The following ARHGAP17 variants were observed in gnomAD, a reference collection of about 807,000 sequenced individuals.
ARHGAP17 encodes Rho GTPase activating protein 17, also known as rho GTPase-activating protein 17.
A neutral mutation model predicts 99.5 loss-of-function variants in ARHGAP17; 57 were observed. The ratio of observed to expected loss-of-function variants is 0.57; its 90% CI spans 0.46 to 0.71. ARHGAP17 has a LOEUF of 0.71. ARHGAP17 is among the 30% of genes least tolerant of loss of function. The pLI is 0.00. For missense variants in ARHGAP17, 1,000 were observed against 1,122.4 expected, an observed-to-expected ratio of 0.89 and a Z score of 1.56; for synonymous variants, 417 against 429.6, an observed-to-expected ratio of 0.97 and a Z score of 0.36.
chr16:24,950,979 G>A (rs2051624635), intron 12 of ARHGAP17, among the ~76,000 whole-genome samples: 1 of 152,182 alleles, frequency 6.6e-6, no homozygotes, highest in Admixed American at 6.5e-5. Flanking sequence ...CAGGGAACAG[G>A]GGCAGTGTCC....
At chr16:24,977,462 C>T in intron 2 of ARHGAP17, 143 bp from the exon 3 acceptor site, 1 of 575,612 alleles carries the variant, frequency 1.7e-6, no homozygotes, top group Non-Finnish European at 2.9e-6. Flanking sequence ...TGAGTGGCGC[C>T]AGTCAGTTTA....
chr16:24,935,982 AGACTG>A (rs1391455120), intron 17 of ARHGAP17: 3 of 346,112 alleles, frequency 8.7e-6, no homozygotes, highest in Non-Finnish European at 1.7e-5. Context: ...TCGTTGCATC[AGACTG>A]GACTCCAACG....
chr16:24,986,820 T>G (rs1305290156), intron 1 of ARHGAP17, among the ~76,000 whole-genome samples: 2 of 152,246 alleles, frequency 1.3e-5, no homozygotes, highest in African/African-American at 4.8e-5. Flanking sequence ...GTATTTTCTC[T>G]TCCTCGACAT....
At chr16:24,947,238 T>A (rs1032426422) in intron 14 of ARHGAP17, among the ~76,000 whole-genome samples, 4 of 151,784 alleles carry the variant, frequency 2.6e-5, no homozygotes, top group African/African-American at 9.7e-5. Context: ...CTGAGCTATC[T>A]GACTGCCTAA....
rs931605316 is a variant in ARHGAP17, at chr16:24,985,630, A to G, written c.54-6625T>C. ...AGGCTAATCTCCCTTTCCACTGATTAGAAATTTTAATCCCATCTCCAAACT... is the reference window on the plus strand; with the variant it reads ...AGGCTAATCTCCCTTTCCACTGATTGGAAATTTTAATCCCATCTCCAAACT... On this transcript the variant is annotated intron_variant, in intron 1 of 19. Transcript: ENST00000289968. 3.9e-5 allele frequency among the ~76,000 whole-genome samples: 6 copies of G among 152,302 alleles called. No individual in the cohort carries two copies. In the South Asian group the frequency reaches 1.2e-3, roughly 32 times the overall value.
In ARHGAP17 at chr16:24,965,731, G is replaced by A. The variant is rs533690503; in HGVS notation, c.462-1423C>T. On this transcript the variant is annotated intron_variant, in intron 6 of 19. Coordinates refer to ENST00000289968, the MANE Select transcript of ARHGAP17 (RefSeq NM_001006634.3). ...TAACTAGTTATGTGACCTAGTTAGT[G>A]ACTTAGCCTCTATGCATCTCAGTTG... 2.7e-4 allele frequency among the ~76,000 whole-genome samples: 41 copies of A among 152,322 alleles called. 1 individual carries two copies. Among genetic ancestry groups the A allele is most frequent in the South Asian group, 2.1e-3 (10 of 4,832 alleles).
chr16:24,964,366 G>A, intron 6 of ARHGAP17, 58 bp from the exon 7 acceptor site: 1 of 1,207,122 alleles, frequency 8.3e-7, no homozygotes, highest in Non-Finnish European at 1.2e-6. Flanking sequence ...TCAACAGCTG[G>A]AGGCAGGACC....
chr16:24,986,685 A>T, intron 1 of ARHGAP17, among the ~76,000 whole-genome samples: 1 of 152,238 alleles, frequency 6.6e-6, no homozygotes, highest in Non-Finnish European at 1.5e-5. Context: ...TTTGTTATCC[A>T]GCCATTTACA....
In ARHGAP17 at chr16:24,942,035, C is replaced by T. The variant is rs367801427; in HGVS notation, c.1442G>A (p.Arg481Gln). The change falls in exon 16 of 20, where the codon CGG becomes CAG. Residue 481 changes from arginine (R) to glutamine (Q), a missense_variant. Physicochemically the swap from Arg to Gln is conservative, Grantham distance 43. This residue lies in a region of ARHGAP17 where 472 missense variants were observed against 611.1 expected (regional missense o/e 0.77). Coordinates refer to ENST00000289968, the MANE Select transcript of ARHGAP17 (RefSeq NM_001006634.3). ...TTCCATCACCGCCATGCTAGCAGGCCGCTTCCTCTCCAGGGTCCCCGAGTC... is the reference window on the plus strand; with the variant it reads ...TTCCATCACCGCCATGCTAGCAGGCTGCTTCCTCTCCAGGGTCCCCGAGTC... ...DSDSGTLERK[R>Q]PASMAVMEGD... 1.7e-5 allele frequency: 27 copies of T among 1,613,964 alleles called. No homozygotes were observed. The Admixed American group carries it at 2.3e-4, about 14-fold the overall frequency.
At chr16:24,965,371 G>A (rs776807454) in intron 6 of ARHGAP17, among the ~76,000 whole-genome samples, 6 of 152,230 alleles carry the variant, frequency 3.9e-5, no homozygotes, top group Non-Finnish European at 8.8e-5. Context: ...TTGGGAGGCT[G>A]AGGCAGGAGA....
chr16:24,995,967 A>T (rs536865415), intron 1 of ARHGAP17, among the ~76,000 whole-genome samples: 41 of 152,108 alleles, frequency 2.7e-4, no homozygotes, highest in African/African-American at 9.6e-4. Context: ...GGCTCAAGCA[A>T]TCCTCCCGCC....
chr16:24,965,863 T>C (rs528000928), intron 6 of ARHGAP17, among the ~76,000 whole-genome samples: 1 of 152,366 alleles, frequency 6.6e-6, no homozygotes, highest in African/African-American at 2.4e-5. Context: ...ATGTCTGGCA[T>C]ATAATGGATT....
chr16:24,989,928 A>G (rs1316940451), intron 1 of ARHGAP17, among the ~76,000 whole-genome samples: 1 of 152,198 alleles, frequency 6.6e-6, no homozygotes, highest in African/African-American at 2.4e-5. Context: ...GATGGGAGGA[A>G]TAAGTTCTAG....
At chr16:24,952,156 A>C (rs1428532368) in intron 12 of ARHGAP17, 133 bp downstream of exon 12, 2 of 606,440 alleles carry the variant, frequency 3.3e-6, no homozygotes, top group Non-Finnish European at 5.5e-6. Context: ...CATAAATAAG[A>C]GCTGAGACAT....
intron 17 of ARHGAP17, among the ~76,000 whole-genome samples, chr16:24,939,079 A>G (rs2051233391): frequency 6.6e-6 from 1 of 152,266 alleles, no homozygotes; most frequent in African/African-American, 2.4e-5. Context: ...CCAACAGGTG[A>G]CAGAGGCTCA....
At chr16:25,010,337 G>T (rs1187645622) in intron 1 of ARHGAP17, among the ~76,000 whole-genome samples, 2 of 152,174 alleles carry the variant, frequency 1.3e-5, no homozygotes, top group African/African-American at 4.8e-5. Context: ...GGCTCTCAAA[G>T]TGTCAGGATT....
chr16:24,950,850 A>G (rs1326934799), intron 12 of ARHGAP17, among the ~76,000 whole-genome samples: 1 of 150,836 alleles, frequency 6.6e-6, no homozygotes, highest in Non-Finnish European at 1.5e-5. Context: ...AAAAAAAAAA[A>G]AAAAAAAAGA....
Position 24,920,080 on chromosome 16 carries a change from T to G in ARHGAP17, c.*50A>C. 6.2e-7 allele frequency: 1 copy of G among 1,601,242 alleles called. No individual in the cohort carries two copies. The highest frequency in any genetic ancestry group is 8.5e-7 in the Non-Finnish European group (1 of 1,171,334). ...GCAAAGAAAGAGGTTCGCCTGCCCC[T>G]GCTCCACTCGCCAGGGTGGAAGTGG... is the stretch of plus-strand genomic sequence containing the variant. On this transcript the variant is annotated 3_prime_UTR_variant, in exon 20 of 20. Transcript: ENST00000289968.
At chr16:25,014,869 G>A (rs993282800) in intron 1 of ARHGAP17, among the ~76,000 whole-genome samples, 6 of 152,226 alleles carry the variant, frequency 3.9e-5, no homozygotes, top group African/African-American at 1.4e-4. Context: ...AGCTGGCTCG[G>A]CCCCCGGGAA....
Sources: allele counts gnomAD v4.1 joint callset (sites outside exome capture counted in the v4.1 genomes callset), GRCh38; gene constraint gnomAD v4.1.1; regional missense constraint gnomAD v4.1.1; transcripts MANE v1.5; gene names NCBI Gene and HGNC (gene_info 2026-07-23, HGNC 2026-07-21).